Variants in FOXN3 observed in about 807,000 individuals in gnomAD.
FOXN3 encodes the protein forkhead box N3, also known as forkhead box protein N3.
Under a neutral mutation model 38.4 loss-of-function variants are expected in FOXN3, and 7 were observed. The ratio of observed to expected loss-of-function variants is 0.18; its 90% CI spans 0.10 to 0.34. The LOEUF is 0.34. FOXN3 is among the 10% of genes least tolerant of loss of function. FOXN3 has a pLI of 1.00. For synonymous variants in FOXN3, 230 were observed against 242.2 expected (o/e 0.95, Z 0.47); for missense variants, 456 against 613.4 (o/e 0.74, Z 2.71).
At chr14:89,333,984 A>ATATATATATATC (rs1566959309) in intron 3 of FOXN3, among the ~76,000 whole-genome samples, 8 of 21,484 alleles carry the variant, frequency 3.7e-4, no homozygotes, top group African/African-American at 7.9e-4. Context: ...ATATATATAT[A>ATATATATATATC]TATATATATA....
chr14:89,253,227 T>C (rs1300186732), intron 4 of FOXN3, among the ~76,000 whole-genome samples: 1 of 152,202 alleles, frequency 6.6e-6, no homozygotes, highest in Admixed American at 6.5e-5. Flanking sequence ...GTTTGGAAAC[T>C]TCCTTTTTCA....
intron 1 of FOXN3, among the ~76,000 whole-genome samples, chr14:89,519,095 G>C (rs906907429): frequency 2.6e-5 from 4 of 152,152 alleles, no homozygotes; most frequent in African/African-American, 4.8e-5. Flanking sequence ...CTGCTCAAAG[G>C]GAAACCAGGC....
chr14:89,167,017 C>T (rs1262466864), intron 5 of FOXN3, among the ~76,000 whole-genome samples: 1 of 152,200 alleles, frequency 6.6e-6, no homozygotes, highest in East Asian at 1.9e-4. Flanking sequence ...GAAATGCCTG[C>T]AATTTTTCAG....
At chr14:89,346,221 C>G (rs1888755205) in intron 3 of FOXN3, among the ~76,000 whole-genome samples, 1 of 152,160 alleles carries the variant, frequency 6.6e-6, no homozygotes, top group Non-Finnish European at 1.5e-5. Flanking sequence ...ATCTTTGCAG[C>G]AGCAAATTGT....
At chr14:89,210,102 G>A (rs767777310) in intron 4 of FOXN3, among the ~76,000 whole-genome samples, 8 of 152,162 alleles carry the variant, frequency 5.3e-5, no homozygotes, top group Admixed American at 3.9e-4. Flanking sequence ...ATACTGATAC[G>A]GTTTGGATCG....
chr14:89,457,654 A>C (rs939140489), intron 1 of FOXN3, among the ~76,000 whole-genome samples: 1 of 152,194 alleles, frequency 6.6e-6, no homozygotes, highest in African/African-American at 2.4e-5. Flanking sequence ...AATCCTCTAC[A>C]TGAAGGCTAT....
intron 1 of FOXN3, among the ~76,000 whole-genome samples, chr14:89,460,184 C>T (rs1170655611): frequency 6.6e-6 from 1 of 152,130 alleles, no homozygotes; most frequent in Non-Finnish European, 1.5e-5. Context: ...TTTTCCTGAG[C>T]GTTCCGGGGA....
chr14:89,257,144 C>T (rs1035874518), intron 4 of FOXN3, among the ~76,000 whole-genome samples: 6 of 152,168 alleles, frequency 3.9e-5, no homozygotes, highest in Non-Finnish European at 5.9e-5. Flanking sequence ...TGGCTCCATC[C>T]ACCACCATCA....
At chr14:89,297,025 T>C (rs990077445) in intron 3 of FOXN3, among the ~76,000 whole-genome samples, 5 of 152,164 alleles carry the variant, frequency 3.3e-5, no homozygotes, top group East Asian at 3.8e-4. Context: ...AATCTATCCA[T>C]GGCCTTTGTT....
At chr14:89,391,770 C>T (rs1184371158) in intron 2 of FOXN3, among the ~76,000 whole-genome samples, 5 of 152,212 alleles carry the variant, frequency 3.3e-5, no homozygotes, top group Non-Finnish European at 5.9e-5. Context: ...TTTGGGAGGC[C>T]GAGGTGGGTG....
intron 2 of FOXN3, among the ~76,000 whole-genome samples, chr14:89,398,942 C>T (rs1226832082): frequency 6.6e-6 from 1 of 152,258 alleles, no homozygotes; most frequent in African/African-American, 2.4e-5. Flanking sequence ...CAAGATCGTG[C>T]CATTGCACTC....
chr14:89,379,332 G>T (rs1360431620), intron 2 of FOXN3, among the ~76,000 whole-genome samples: 3 of 152,130 alleles, frequency 2.0e-5, no homozygotes, highest in Non-Finnish European at 1.5e-5. Flanking sequence ...GATTTTGCTG[G>T]ATTCTAGACC....
intron 3 of FOXN3, among the ~76,000 whole-genome samples, chr14:89,306,145 T>A (rs1691661101): frequency 6.6e-6 from 1 of 152,208 alleles, no homozygotes; most frequent in Admixed American, 6.5e-5. Context: ...TCATTTAGAA[T>A]TCTCTGTGTG....
intron 2 of FOXN3, among the ~76,000 whole-genome samples, chr14:89,387,356 A>G (rs532294415): frequency 1.3e-5 from 2 of 152,316 alleles, no homozygotes; most frequent in South Asian, 2.1e-4. Flanking sequence ...TCAGTATAAT[A>G]TTTACTGAGT....
chr14:89,459,105 G>T (rs1892786307), intron 1 of FOXN3, among the ~76,000 whole-genome samples: 1 of 152,074 alleles, frequency 6.6e-6, no homozygotes, highest in African/African-American at 2.4e-5. Context: ...AGAGAAACGT[G>T]CAGAGTGAAT....
At chr14:89,357,552 G>A (rs573718125) in intron 2 of FOXN3, among the ~76,000 whole-genome samples, 1 of 152,066 alleles carries the variant, frequency 6.6e-6, no homozygotes, top group South Asian at 2.1e-4. Context: ...AGGTTGCGGT[G>A]AGCCGAGATC....
chr14:89,548,904 A>C lies in FOXN3; in HGVS notation c.-15+70124T>G, dbSNP rs776306800. 6.6e-6 allele frequency among the ~76,000 whole-genome samples: 1 copy of C among 152,172 alleles called. No homozygotes were observed. The highest frequency in any genetic ancestry group is 1.5e-5 in the Non-Finnish European group (1 of 68,024). On this transcript the variant is annotated intron_variant, in intron 1 of 6. Coordinates refer to the FOXN3 transcript ENST00000345097. The surrounding 1 kb of genome is among the most constrained non-coding windows in gnomAD (Gnocchi z 4.8). ...GAGGCCAAGGCAGGTGGATCACCTA[A>C]GGTCAGGAGTTCGAGACCAGCCTGA...
At chr14:89,262,633 A>C (rs189031694) in intron 4 of FOXN3, among the ~76,000 whole-genome samples, 2 of 152,346 alleles carry the variant, frequency 1.3e-5, no homozygotes, top group East Asian at 3.9e-4. Context: ...ATACAAACAT[A>C]TCTGAGATTC....
At chr14:89,201,300 G>A (rs139983704) in intron 4 of FOXN3, among the ~76,000 whole-genome samples, 76 of 152,294 alleles carry the variant, frequency 5.0e-4, no homozygotes, top group African/African-American at 8.2e-4. Context: ...TGGGGTTGCC[G>A]TGGAAGAGAT....
Sources: gnomAD v4.1 joint callset for allele counts (sites outside exome capture counted in the v4.1 genomes callset) on GRCh38, gnomAD v4.1.1 for gene constraint, Gnocchi (gnomAD v3.1) non-coding constraint, MANE v1.5 for transcripts, NCBI Gene and HGNC (gene_info 2026-07-23, HGNC 2026-07-21) for gene names.